The following LGI1 variants were observed in gnomAD, a reference collection of about 807,000 sequenced individuals.
LGI1 encodes the protein leucine rich glioma inactivated 1, also known as leucine-rich glioma-inactivated protein 1.
LGI1 carries 11 observed loss-of-function variants against 57.7 expected under a neutral mutation model. The observed-to-expected ratio is 0.19, with a 90% CI of 0.12 to 0.32. The LOEUF (loss-of-function observed/expected upper bound fraction) is 0.32, where lower values mean the gene tolerates loss of function less well. Ranked by LOEUF, LGI1 falls within the 10% of genes least tolerant of loss-of-function variation. LGI1 has a pLI of 1.00. For missense variants in LGI1, 422 were observed against 661.9 expected, an observed-to-expected ratio of 0.64 and a Z score of 3.98; for synonymous variants, 222 against 241.9, an observed-to-expected ratio of 0.92 and a Z score of 0.76.
At chr10:93,773,178 T>A (rs12260839) in intron 2 of LGI1, among the ~76,000 whole-genome samples, 5,548 of 152,268 alleles carry the variant, frequency 0.036, 348 homozygotes, top group African/African-American at 0.13. Context: ...ATTATCTGGA[T>A]GTGATTTTAA....
chr10:93,794,364 T>C (rs866567218), intron 7 of LGI1, among the ~76,000 whole-genome samples: 9 of 134,198 alleles, frequency 6.7e-5, no homozygotes, highest in African/African-American at 2.2e-4. Flanking sequence ...GGATCTCTCT[T>C]TTTTTTTTTT....
rs554246691 is a variant in LGI1, at chr10:93,760,396, T to C, written c.287+1565T>C. Among the ~76,000 whole-genome samples, 10 of 152,358 alleles carry C rather than the reference T, an allele frequency of 6.6e-5. No individual in the cohort carries two copies. In the South Asian group the frequency reaches 2.1e-3, roughly 32 times the overall value. On this transcript the variant is annotated intron_variant, in intron 2 of 7. Coordinates refer to ENST00000371418, the MANE Select transcript of LGI1 (RefSeq NM_005097.4). ...GAATTTGCTGTCTCTGAGAAAGTGA[T>C]AAATTGTGTTTCTGGTCCTCACTTG...
chr10:93,762,255 C>T (rs2059632362), intron 2 of LGI1, among the ~76,000 whole-genome samples: 1 of 152,134 alleles, frequency 6.6e-6, no homozygotes, highest in Non-Finnish European at 1.5e-5. Flanking sequence ...GTTTGAAAGA[C>T]AGAATTGATC....
chr10:93,758,157 A>G lies in LGI1; in HGVS notation c.13A>G (p.Arg5Gly). MESE[R>G]SKRMGNACIP... is the part of the protein sequence containing the mutation. ...TTTTCTCGACTGCATGGAATCAGAA[A>G]GAAGCAAAAGGATGGGAAATGCCTG... The change falls in exon 1 of 8, where the codon AGA becomes GGA. Residue 5 changes from arginine (R) to glycine (G), a missense_variant. Physicochemically the swap from Arg to Gly is moderately radical, Grantham distance 125. Transcript: ENST00000371418. This position sits in a 1 kb window ranked among gnomAD's most constrained non-coding sequence, Gnocchi z 4.7. The G allele has an allele frequency of 1.2e-6, 2 of 1,614,198 alleles. No individual in the cohort carries two copies. Among genetic ancestry groups the G allele is most frequent in the African/African-American group, 2.7e-5 (2 of 75,060 alleles).
chr10:93,777,380 T>C lies in LGI1; in HGVS notation c.289T>C (p.Leu97=). Residue 97 remains leucine, a splice_region_variant and synonymous_variant, in exon 3 of 8, where the codon TTA becomes CTA. Transcript: ENST00000371418. The stretch of plus-strand genomic sequence containing the variant: ...TCATTGTGTACTTTTTCTGGGCAGG[T>C]TATTCACATCGAACTCCTTTGATGT... ...FLFTPSLQLL[L]FTSNSFDVIS... is the part of the protein sequence containing the mutation. 1 of 1,613,648 alleles carries C rather than the reference T, an allele frequency of 6.2e-7. No individual in the cohort carries two copies. Among genetic ancestry groups the C allele is most frequent in the Non-Finnish European group, 8.5e-7 (1 of 1,179,518 alleles).
intron 4 of LGI1, among the ~76,000 whole-genome samples, chr10:93,780,887 G>T (rs1172856582): frequency 6.6e-6 from 1 of 152,146 alleles, no homozygotes; most frequent in Admixed American, 6.5e-5. Context: ...AGATAGTTGG[G>T]ATTAGACGTA....
At chr10:93,782,190 C>T (rs560543708) in intron 4 of LGI1, among the ~76,000 whole-genome samples, 1 of 152,302 alleles carries the variant, frequency 6.6e-6, no homozygotes, top group South Asian at 2.1e-4. Context: ...CCATTAGTTT[C>T]CTTTTTAAGA....
At chr10:93,771,213 A>G (rs2059734669) in intron 2 of LGI1, 1 of 152,250 alleles carries the variant, frequency 6.6e-6, no homozygotes, top group Non-Finnish European at 1.5e-5. Flanking sequence ...TTTAGAAAAT[A>G]TCAAGGCTGT....
In LGI1 at chr10:93,777,362, G is replaced by C. The variant is rs376679437; in HGVS notation, c.288-17G>C. On this transcript the variant is annotated splice_polypyrimidine_tract_variant and intron_variant, in intron 2 of 7. Coordinates refer to ENST00000371418, the MANE Select transcript of LGI1 (RefSeq NM_005097.4). ...CTGTCAGTTTCACCATTTTCATTGT[G>C]TACTTTTTCTGGGCAGGTTATTCAC... The C allele has an allele frequency of 1.2e-6, 2 of 1,611,106 alleles. No individual in the cohort carries two copies. The highest frequency in any genetic ancestry group is 8.5e-7 in the Non-Finnish European group (1 of 1,177,278).
intron 2 of LGI1, chr10:93,776,905 T>G (rs2059799540): frequency 5.1e-6 from 1 of 196,618 alleles, no homozygotes; most frequent in Admixed American, 5.4e-5. Context: ...CAGTGTCAAC[T>G]GCCTGTCTGT....
rs2059602199 is a variant in LGI1 at position 93,759,544 on chromosome 10, G to A, written c.287+713G>A. Among the ~76,000 whole-genome samples the A allele has an allele frequency of 2.0e-5, 3 of 152,238 alleles. No individual in the cohort carries two copies. In the South Asian group the frequency reaches 6.2e-4, roughly 32 times the overall value. ...TAATGGAACACATAAAATTTGTTCT[G>A]ATGTGTAATGTTTGGCAATTGGAGT... On this transcript the variant is annotated intron_variant, in intron 2 of 7. Transcript: ENST00000371418.
chr10:93,771,708 G>A (rs1258447765), intron 2 of LGI1: 1 of 152,230 alleles, frequency 6.6e-6, no homozygotes, highest in Non-Finnish European at 1.5e-5. Context: ...CAGGCGCGCT[G>A]GCTCATGCCT....
At chr10:93,761,148 G>A (rs1003692591) in intron 2 of LGI1, among the ~76,000 whole-genome samples, 3 of 152,136 alleles carry the variant, frequency 2.0e-5, no homozygotes, top group Middle Eastern at 3.2e-3. Context: ...AACAATTGTG[G>A]GAATGCATGG....
At chr10:93,777,065 A>C (rs967981812) in intron 2 of LGI1, 50 of 461,950 alleles carry the variant, frequency 1.1e-4, no homozygotes, top group Non-Finnish European at 2.8e-5. Context: ...CTTTGTCATG[A>C]AAATATGTAA....
intron 2 of LGI1, among the ~76,000 whole-genome samples, chr10:93,761,995 A>G (rs7897575): frequency 0.29 from 43,794 of 152,100 alleles, 6,648 homozygotes; most frequent in South Asian, 0.42. Flanking sequence ...GAAGTCCCCA[A>G]TGATATGGGC....
chr10:93,767,878 C>T (rs2059695439), intron 2 of LGI1: 1 of 152,166 alleles, frequency 6.6e-6, no homozygotes, highest in South Asian at 2.1e-4. Context: ...TACACTGTCA[C>T]TGTTTTTATT....
chr10:93,796,239 G>A (rs2059978567), intron 7 of LGI1, among the ~76,000 whole-genome samples: 1 of 152,218 alleles, frequency 6.6e-6, no homozygotes, highest in Non-Finnish European at 1.5e-5. Flanking sequence ...CCAGAAAAGT[G>A]ACAAGTGGCA....
intron 4 of LGI1, among the ~76,000 whole-genome samples, chr10:93,784,860 G>A (rs2059882645): frequency 6.6e-6 from 1 of 152,156 alleles, no homozygotes; most frequent in South Asian, 2.1e-4. Context: ...GAAAGAGAAG[G>A]ACTAGACACT....
chr10:93,758,480 C>A lies in LGI1; in HGVS notation c.215+121C>A. Reference sequence around the variant, plus strand: ...AGAGAGATTCCTCTTGCATGCTTGGCCATTTGACAGTGCTAACATTTGCTG... The same window carrying A: ...AGAGAGATTCCTCTTGCATGCTTGGACATTTGACAGTGCTAACATTTGCTG... On this transcript the variant is annotated intron_variant, in intron 1 of 7. Transcript: ENST00000371418. The surrounding 1 kb of genome is among the most constrained non-coding windows in gnomAD (Gnocchi z 4.7). The A allele has an allele frequency of 1.9e-6, 2 of 1,050,148 alleles. No individual in the cohort carries two copies. The highest frequency in any genetic ancestry group is 2.9e-6 in the Non-Finnish European group (2 of 683,670). The allele number at this position is 1,050,148 out of a possible 1,614,324, so 65.1% of individuals were successfully genotyped here.
Sources: allele counts gnomAD v4.1 joint callset (sites outside exome capture counted in the v4.1 genomes callset), GRCh38; gene constraint gnomAD v4.1.1; non-coding constraint Gnocchi (gnomAD v3.1); transcripts MANE v1.5; gene names NCBI Gene and HGNC (gene_info 2026-07-23, HGNC 2026-07-21).